The following PRR16 variants were observed in gnomAD, a reference collection of about 807,000 sequenced individuals.
PRR16 encodes proline rich 16, also known as protein Largen.
Under a neutral mutation model 18.2 loss-of-function variants are expected in PRR16, and 6 were observed. That is an observed-to-expected ratio of 0.33 (90% CI 0.18 to 0.65). The LOEUF is 0.65. Ranked by LOEUF, PRR16 falls within the 30% of genes least tolerant of loss-of-function variation. The pLI, the probability that PRR16 is intolerant of heterozygous loss-of-function variation, is 0.74. For synonymous variants in PRR16, 151 were observed against 147.8 expected (o/e 1.02, Z -0.16); for missense variants, 412 against 376.6 (o/e 1.09, Z -0.78).
At chr5:120,780,932 C>G in the PRR16 span, among the ~76,000 whole-genome samples, 1 of 152,112 alleles carries the variant, frequency 6.6e-6, no homozygotes, top group African/African-American at 2.4e-5. Flanking sequence ...CACCTGTAAT[C>G]CCAGCTACTT....
chr5:120,468,679 A>T (rs1300383115), intron 1 of PRR16, among the ~76,000 whole-genome samples: 2 of 152,236 alleles, frequency 1.3e-5, no homozygotes, highest in Admixed American at 1.3e-4. Flanking sequence ...ACTATTTTGC[A>T]TTAAATGCTG....
the PRR16 span, among the ~76,000 whole-genome samples, chr5:120,748,582 A>T: frequency 6.6e-6 from 1 of 152,168 alleles, no homozygotes; most frequent in Non-Finnish European, 1.5e-5. Flanking sequence ...TGAGAAAAGA[A>T]TACAAGGTCT....
chr5:120,475,321 T>C (rs867404913), intron 1 of PRR16, among the ~76,000 whole-genome samples: 1 of 152,300 alleles, frequency 6.6e-6, no homozygotes, highest in South Asian at 2.1e-4. Context: ...ATAGTTACTT[T>C]TTACTCTTTT....
At chr5:120,730,389 C>T in the PRR16 span, among the ~76,000 whole-genome samples, 1 of 152,022 alleles carries the variant, frequency 6.6e-6, no homozygotes, top group South Asian at 2.1e-4. Context: ...TGTGGAATAT[C>T]CAGAAATAGG....
chr5:120,751,741 G>C, the PRR16 span, among the ~76,000 whole-genome samples: 1 of 142,202 alleles, frequency 7.0e-6, no homozygotes, highest in East Asian at 2.0e-4. Context: ...GGATGAAAAT[G>C]AACCAATCAT....
intron 1 of PRR16, among the ~76,000 whole-genome samples, chr5:120,561,756 A>T (rs1259701577): frequency 6.6e-6 from 1 of 152,094 alleles, no homozygotes. Context: ...TATTCTCATG[A>T]TATTGAATAA....
the PRR16 span, among the ~76,000 whole-genome samples, chr5:120,720,772 A>C: frequency 2.6e-5 from 4 of 152,024 alleles, no homozygotes; most frequent in East Asian, 1.9e-4. Context: ...TGTTTTCTCA[A>C]AGTGTGTCTT....
At chr5:120,481,410 C>T (rs897718707) in intron 1 of PRR16, 42 of 263,170 alleles carry the variant, frequency 1.6e-4, no homozygotes, top group African/African-American at 9.1e-4. Context: ...GTGTTACAGG[C>T]GTGAGCCACC....
chr5:120,774,807 C>T, the PRR16 span, among the ~76,000 whole-genome samples: 270 of 152,192 alleles, frequency 1.8e-3, no homozygotes, highest in African/African-American at 6.2e-3. Context: ...CCATGAATAG[C>T]CATCTTACAA....
chr5:120,724,061 C>T, the PRR16 span, among the ~76,000 whole-genome samples: 90 of 151,448 alleles, frequency 5.9e-4, no homozygotes, highest in African/African-American at 2.1e-3. Context: ...ATATGTTTTT[C>T]AGGGTTGACA....
At chr5:120,479,345 G>A (rs1183226085) in intron 1 of PRR16, among the ~76,000 whole-genome samples, 1 of 152,082 alleles carries the variant, frequency 6.6e-6, no homozygotes, top group African/African-American at 2.4e-5. Context: ...ACCATGCTAT[G>A]TTGCAAACTC....
chr5:120,663,382 C>T (rs1396496876), intron 1 of PRR16, among the ~76,000 whole-genome samples: 2 of 151,988 alleles, frequency 1.3e-5, no homozygotes, highest in Non-Finnish European at 2.9e-5. Context: ...TATGACCTCA[C>T]TTTTTATAAG....
chr5:120,686,142 C>A lies in PRR16; in HGVS notation c.348C>A (p.Val116=), dbSNP rs1757112982. 1 of 1,614,142 alleles carries A rather than the reference C, an allele frequency of 6.2e-7. No homozygotes were observed. The highest frequency in any genetic ancestry group is 2.2e-5 in the East Asian group (1 of 44,866). ...CACACCCGTCTGCTATCCTCACGGTCCTGAGAAAGCCAAACCCTCCACCAC... is the reference window on the plus strand; with the variant it reads ...CACACCCGTCTGCTATCCTCACGGTACTGAGAAAGCCAAACCCTCCACCAC... The part of the protein sequence containing the change: ...PPAHPSAILT[V]LRKPNPPPPP... The change falls in exon 2 of 2, where the codon GTC becomes GTA. Residue 116 remains valine, a synonymous_variant. Coordinates refer to ENST00000407149, the MANE Select transcript of PRR16 (RefSeq NM_001300783.2).
the PRR16 span, among the ~76,000 whole-genome samples, chr5:120,738,522 A>G: frequency 6.6e-6 from 1 of 152,166 alleles, no homozygotes; most frequent in African/African-American, 2.4e-5. Flanking sequence ...AATAACTTTA[A>G]TAACATCATC....
At chr5:120,750,733 A>G in the PRR16 span, among the ~76,000 whole-genome samples, 1 of 152,130 alleles carries the variant, frequency 6.6e-6, no homozygotes, top group African/African-American at 2.4e-5. Context: ...TTTTGATATA[A>G]GAATTCAATG....
chr5:120,623,104 A>G (rs1189014364), intron 1 of PRR16, among the ~76,000 whole-genome samples: 1 of 152,102 alleles, frequency 6.6e-6, no homozygotes, highest in Non-Finnish European at 1.5e-5. Context: ...ATATACCACC[A>G]CTTGAAAATG....
chr5:120,476,901 G>A (rs1439221073), intron 1 of PRR16, among the ~76,000 whole-genome samples: 3 of 151,956 alleles, frequency 2.0e-5, no homozygotes, highest in Admixed American at 6.6e-5. Flanking sequence ...AGTCATATCT[G>A]TACTCTCACT....
At chr5:120,663,429 A>G (rs1225826103) in intron 1 of PRR16, among the ~76,000 whole-genome samples, 1 of 150,228 alleles carries the variant, frequency 6.7e-6, no homozygotes, top group Non-Finnish European at 1.5e-5. Flanking sequence ...AAAGGTTAAA[A>G]AGGTTGAACA....
At chr5:120,522,169 T>C (rs1299754554) in intron 1 of PRR16, among the ~76,000 whole-genome samples, 2 of 152,222 alleles carry the variant, frequency 1.3e-5, no homozygotes, top group East Asian at 3.9e-4. Flanking sequence ...TGATTTATAA[T>C]CCTTTGGGTA....
Sources: allele counts gnomAD v4.1 joint callset (sites outside exome capture counted in the v4.1 genomes callset), GRCh38; gene constraint gnomAD v4.1.1; transcripts MANE v1.5; gene names NCBI Gene and HGNC (gene_info 2026-07-23, HGNC 2026-07-21).